The following NPAS3 variants were observed in gnomAD, a reference collection of about 807,000 sequenced individuals.
NPAS3 encodes the protein neuronal PAS domain protein 3.
A neutral mutation model predicts 73.1 loss-of-function variants in NPAS3; 14 were observed. That is an observed-to-expected ratio of 0.19 (90% CI 0.13 to 0.30). The LOEUF is 0.30. Ranked by LOEUF, NPAS3 falls within the 10% of genes least tolerant of loss-of-function variation. The pLI, the probability that NPAS3 is intolerant of heterozygous loss-of-function variation, is 1.00. For missense variants in NPAS3, 1,096 were observed against 1,250.0 expected (o/e 0.88, Z 1.86); for synonymous variants, 620 against 541.5 (o/e 1.14, Z -2.01).
intron 4 of NPAS3, among the ~76,000 whole-genome samples, chr14:33,502,078 T>G (rs1301518812): frequency 2.6e-5 from 4 of 151,902 alleles, no homozygotes; most frequent in Non-Finnish European, 2.9e-5. Context: ...ATTTATGGGT[T>G]CCCAAATCTA....
chr14:33,349,889 G>A (rs1347693531), intron 3 of NPAS3, among the ~76,000 whole-genome samples: 1 of 152,158 alleles, frequency 6.6e-6, no homozygotes, highest in Admixed American at 6.5e-5. Flanking sequence ...ATTGTTGAAG[G>A]ACAGGAAATT....
chr14:33,484,026 A>G (rs1442912678), intron 4 of NPAS3, among the ~76,000 whole-genome samples: 1 of 152,230 alleles, frequency 6.6e-6, no homozygotes, highest in Non-Finnish European at 1.5e-5. Flanking sequence ...TACTGTTTCT[A>G]GGCACTAGGA....
intron 5 of NPAS3, among the ~76,000 whole-genome samples, chr14:33,641,836 CT>C (rs1397662451): frequency 6.6e-6 from 1 of 151,956 alleles, no homozygotes; most frequent in Non-Finnish European, 1.5e-5. Flanking sequence ...GGCATCGTGT[CT>C]TTATTTTTCA....
intron 4 of NPAS3, among the ~76,000 whole-genome samples, chr14:33,486,368 T>G (rs995160336): frequency 3.3e-5 from 5 of 152,126 alleles, no homozygotes; most frequent in Admixed American, 1.3e-4. Flanking sequence ...CCTTCTTTTT[T>G]CAGCAACCAC....
chr14:32,985,287 T>G (rs554936901), intron 1 of NPAS3, among the ~76,000 whole-genome samples: 2 of 152,130 alleles, frequency 1.3e-5, no homozygotes, highest in Non-Finnish European at 2.9e-5. Flanking sequence ...AGGGCTCGTG[T>G]GTGTTGAAGG....
chr14:33,065,284 A>T (rs1566522006), intron 2 of NPAS3, among the ~76,000 whole-genome samples: 1 of 152,186 alleles, frequency 6.6e-6, no homozygotes, highest in Admixed American at 6.5e-5. Flanking sequence ...TTAAAGAAAC[A>T]TACGGCTTTT....
chr14:33,215,305 C>T (rs140980650), exon 3 of NPAS3: 24 of 1,562,050 alleles, frequency 1.5e-5, no homozygotes, highest in Admixed American at 1.3e-4. Flanking sequence ...CCAGCCAGCT[C>T]GACAAGGCAT....
intron 5 of NPAS3, among the ~76,000 whole-genome samples, chr14:33,657,754 G>T (rs1437645123): frequency 6.6e-6 from 1 of 151,600 alleles, no homozygotes; most frequent in Non-Finnish European, 1.5e-5. Context: ...ACATAAAATT[G>T]TTCAAATACA....
rs76100180 is a variant in NPAS3 at position 33,648,412 on chromosome 14, C to T, written c.559-27799C>T. Among the ~76,000 whole-genome samples, 303 of 152,314 alleles carry T rather than the reference C, an allele frequency of 2.0e-3. 12 individuals are homozygous for T. The East Asian group carries it at 0.051, about 26-fold the overall frequency. ...AAATAACTTGGGCATGTACCATTTA[C>T]ATCCCTAACCTATTTAATGTTTTAA... On this transcript the variant is annotated intron_variant, in intron 5 of 11. Transcript: ENST00000356141.
chr14:33,616,304 T>TA (rs1332093548), intron 5 of NPAS3, among the ~76,000 whole-genome samples: 3 of 152,178 alleles, frequency 2.0e-5, no homozygotes, highest in Non-Finnish European at 4.4e-5. Flanking sequence ...GGAACAGAGT[T>TA]ACACTAGTTG....
chr14:33,078,718 A>C (rs1038790553), intron 2 of NPAS3, among the ~76,000 whole-genome samples: 2 of 152,180 alleles, frequency 1.3e-5, no homozygotes, highest in Admixed American at 6.5e-5. Context: ...CATATTTAAG[A>C]TTGGGTAGAA....
intron 2 of NPAS3, among the ~76,000 whole-genome samples, chr14:33,058,752 T>C (rs931619011): frequency 6.6e-6 from 1 of 152,240 alleles, no homozygotes; most frequent in East Asian, 1.9e-4. Context: ...ACTGCACATA[T>C]GTGTTTACTG....
At chr14:33,217,735 GC>G (rs1319400001) in intron 3 of NPAS3, among the ~76,000 whole-genome samples, 2 of 152,118 alleles carry the variant, frequency 1.3e-5, no homozygotes, top group Non-Finnish European at 2.9e-5. Flanking sequence ...CAGAATCATG[GC>G]CTTTTAGGCA....
At chr14:33,303,582 G>A (rs2042638827) in intron 3 of NPAS3, among the ~76,000 whole-genome samples, 1 of 152,146 alleles carries the variant, frequency 6.6e-6, no homozygotes, top group Non-Finnish European at 1.5e-5. Context: ...AACAATGGAA[G>A]ATGGCCATTT....
chr14:33,244,661 G>A (rs1021289611), intron 3 of NPAS3, among the ~76,000 whole-genome samples: 4 of 152,128 alleles, frequency 2.6e-5, no homozygotes, highest in Non-Finnish European at 4.4e-5. Context: ...TGGCCTCTAA[G>A]TGGTACAGTC....
At chr14:33,780,385 A>T (rs1380322112) in intron 9 of NPAS3, among the ~76,000 whole-genome samples, 1 of 152,240 alleles carries the variant, frequency 6.6e-6, no homozygotes, top group Non-Finnish European at 1.5e-5. Flanking sequence ...GATCTTTGGA[A>T]GAAGCCATGG....
intron 3 of NPAS3, among the ~76,000 whole-genome samples, chr14:33,244,308 A>G (rs1235805190): frequency 6.6e-6 from 1 of 152,134 alleles, no homozygotes; most frequent in Non-Finnish European, 1.5e-5. Flanking sequence ...AAATTAAAAA[A>G]TTATTTTCTG....
chr14:33,787,047 C>T (rs1016121052), intron 9 of NPAS3, among the ~76,000 whole-genome samples: 41 of 78,288 alleles, frequency 5.2e-4, no homozygotes, highest in African/African-American at 3.0e-3. Flanking sequence ...TAACAAATTC[C>T]CCCCCCAAAA....
rs115279310 is a variant in NPAS3 at position 33,220,455 on chromosome 14, T to C, written c.385+5029T>C. Among the ~76,000 whole-genome samples, 757 of 152,366 alleles carry C rather than the reference T, an allele frequency of 5.0e-3. 4 individuals are homozygous for C. Among genetic ancestry groups the C allele is most frequent in the African/African-American group, 0.017 (702 of 41,594 alleles). On this transcript the variant is annotated intron_variant, in intron 3 of 11. Transcript: ENST00000356141. ...AAGGCTTTTTAATTATATGCTGTTATACTTTTGTATATTTCTAATGAAGTT... is the reference window on the plus strand; with the variant it reads ...AAGGCTTTTTAATTATATGCTGTTACACTTTTGTATATTTCTAATGAAGTT...
Sources: gnomAD v4.1 joint callset for allele counts (sites outside exome capture counted in the v4.1 genomes callset) on GRCh38, gnomAD v4.1.1 for gene constraint, MANE v1.5 for transcripts, NCBI Gene and HGNC (gene_info 2026-07-23, HGNC 2026-07-21) for gene names.